Variants in FAM3C observed in about 807,000 individuals in gnomAD.
FAM3C encodes FAM3 metabolism regulating signaling molecule C.
Under a neutral mutation model 32.5 loss-of-function variants are expected in FAM3C, and 15 were observed. That is an observed-to-expected ratio of 0.46 (90% CI 0.31 to 0.71). The LOEUF (loss-of-function observed/expected upper bound fraction) is 0.71, where lower values mean the gene tolerates loss of function less well. FAM3C is among the 30% of genes least tolerant of loss of function. The pLI, the probability that FAM3C is intolerant of heterozygous loss-of-function variation, is 0.05. For synonymous variants in FAM3C, 75 were observed against 86.1 expected (o/e 0.87, Z 0.72); for missense variants, 175 against 274.4 (o/e 0.64, Z 2.56).
chr7:121,395,624 T>C (rs1794674434), intron 1 of FAM3C, among the ~76,000 whole-genome samples: 1 of 151,634 alleles, frequency 6.6e-6, no homozygotes. Context: ...AGCAAACAAA[T>C]AGGAAGAAAA....
intron 3 of FAM3C, among the ~76,000 whole-genome samples, chr7:121,372,490 T>C (rs970273995): frequency 1.3e-5 from 2 of 152,178 alleles, no homozygotes; most frequent in Non-Finnish European, 1.5e-5. Flanking sequence ...ATGATGGTGT[T>C]TAAAAGTTGT....
chr7:121,390,838 A>G (rs1794558778), intron 1 of FAM3C, among the ~76,000 whole-genome samples: 1 of 36,084 alleles, frequency 2.8e-5, no homozygotes, highest in South Asian at 1.7e-3. Flanking sequence ...CACACACAGG[A>G]AAGGCTGTGT....
chr7:121,350,644 T>C, intron 9 of FAM3C, 94 bp from the exon 10 acceptor site: 1 of 1,262,626 alleles, frequency 7.9e-7, no homozygotes, highest in Non-Finnish European at 1.1e-6. Flanking sequence ...TCAGTAATAC[T>C]CATGTCAACA....
intron 1 of FAM3C, among the ~76,000 whole-genome samples, chr7:121,390,649 C>G (rs1231668111): frequency 6.6e-6 from 1 of 151,998 alleles, no homozygotes; most frequent in African/African-American, 2.4e-5. Flanking sequence ...TTACCTATAG[C>G]ATGCACACCA....
Position 121,359,918 on chromosome 7 carries a change from T to A in FAM3C, c.467+125A>T. ...AAGGAGGCAAAGTAAAAACAAAAAT[T>A]GTTAGTTGTGTTTACCTGGTAGTTT... On this transcript the variant is annotated intron_variant, in intron 8 of 9. Transcript: ENST00000359943. The A allele has an allele frequency of 4.8e-6, 3 of 625,998 alleles. No homozygotes were observed. In the East Asian group the frequency reaches 8.3e-5, roughly 17 times the overall value. The allele number at this position is 625,998 out of a possible 1,614,324, so 38.8% of individuals were successfully genotyped here. A position where few individuals can be genotyped will look rare whatever the true frequency, so the allele number is the denominator to read the frequency against.
chr7:121,355,626 T>C (rs550672780), intron 8 of FAM3C, among the ~76,000 whole-genome samples: 1 of 152,162 alleles, frequency 6.6e-6, no homozygotes, highest in Non-Finnish European at 1.5e-5. Context: ...ATTAGCACAG[T>C]CCATGAATTT....
At chr7:121,391,304 ATAG>A (rs1794573786) in intron 1 of FAM3C, among the ~76,000 whole-genome samples, 1 of 152,186 alleles carries the variant, frequency 6.6e-6, no homozygotes, top group Admixed American at 6.5e-5. Flanking sequence ...CCTTAATCCT[ATAG>A]TACACCATCC....
At chr7:121,392,252 T>A (rs1486523702) in intron 1 of FAM3C, among the ~76,000 whole-genome samples, 2 of 152,186 alleles carry the variant, frequency 1.3e-5, no homozygotes, top group Non-Finnish European at 2.9e-5. Flanking sequence ...TACCCAAGAC[T>A]GGGTAACCTA....
intron 5 of FAM3C, among the ~76,000 whole-genome samples, chr7:121,366,451 A>G (rs2116903169): frequency 6.6e-6 from 1 of 152,286 alleles, no homozygotes; most frequent in South Asian, 2.1e-4. Context: ...AATATTATAT[A>G]CCACTTATAT....
intron 3 of FAM3C, among the ~76,000 whole-genome samples, chr7:121,372,953 T>C (rs1794176741): frequency 6.6e-6 from 1 of 152,220 alleles, no homozygotes; most frequent in Admixed American, 6.5e-5. Flanking sequence ...GTTAAAAGAT[T>C]GTATTGAAAT....
chr7:121,362,598 G>A, intron 7 of FAM3C: 1 of 317,512 alleles, frequency 3.1e-6, no homozygotes. Context: ...ACTTAAAGGA[G>A]CCCAAAACTT....
intron 7 of FAM3C, among the ~76,000 whole-genome samples, chr7:121,361,893 G>T (rs1406495044): frequency 6.6e-6 from 1 of 152,170 alleles, no homozygotes; most frequent in Non-Finnish European, 1.5e-5. Flanking sequence ...TAGCCAGGAT[G>T]GTCTCCATCT....
intron 3 of FAM3C, among the ~76,000 whole-genome samples, chr7:121,372,856 T>C (rs908854373): frequency 3.9e-5 from 6 of 152,246 alleles, no homozygotes; most frequent in African/African-American, 1.4e-4. Flanking sequence ...TGTCTTGCTA[T>C]AAATAGTCAC....
At chr7:121,370,591 C>G (rs775040783) in intron 5 of FAM3C, among the ~76,000 whole-genome samples, 1 of 152,072 alleles carries the variant, frequency 6.6e-6, no homozygotes, top group Non-Finnish European at 1.5e-5. Context: ...CAGGAACTTG[C>G]GAGCAACAGT....
chr7:121,378,229 T>C (rs943017718), intron 3 of FAM3C, among the ~76,000 whole-genome samples: 1 of 151,858 alleles, frequency 6.6e-6, no homozygotes, highest in Non-Finnish European at 1.5e-5. Context: ...TACCTTATAA[T>C]GGTACATTTA....
chr7:121,390,777 T>C (rs1794557397), intron 1 of FAM3C, among the ~76,000 whole-genome samples: 1 of 140,500 alleles, frequency 7.1e-6, no homozygotes, highest in Non-Finnish European at 1.5e-5. Flanking sequence ...CCCAGATGAC[T>C]GTCATTCGTG....
At chr7:121,379,808 C>G (rs1366672713) in intron 2 of FAM3C, among the ~76,000 whole-genome samples, 7 of 152,134 alleles carry the variant, frequency 4.6e-5, no homozygotes, top group Non-Finnish European at 1.5e-5. Context: ...ATCTTCCTCT[C>G]AAATTAGCTG....
At chr7:121,354,760 G>A (rs1264642253) in intron 8 of FAM3C, among the ~76,000 whole-genome samples, 6 of 152,154 alleles carry the variant, frequency 3.9e-5, no homozygotes, top group Admixed American at 2.0e-4. Flanking sequence ...AGACTTTAAA[G>A]AGAACATATT....
intron 1 of FAM3C, 132 bp from the exon 2 acceptor site, chr7:121,383,142 TAAAA>T: frequency 2.0e-5 from 9 of 451,400 alleles, no homozygotes; most frequent in Non-Finnish European, 2.7e-5. Flanking sequence ...ACATTGGCAT[TAAAA>T]AAAAAAAAAA....
Sources: allele counts gnomAD v4.1 joint callset (sites outside exome capture counted in the v4.1 genomes callset), GRCh38; gene constraint gnomAD v4.1.1; transcripts MANE v1.5; gene names NCBI Gene and HGNC (gene_info 2026-07-23, HGNC 2026-07-21).